RMI1: variants seen among roughly 807,000 people sequenced by gnomAD.
The protein encoded by RMI1 is RecQ mediated genome instability 1, also known as recQ-mediated genome instability protein 1.
In RMI1, 36 loss-of-function variants were observed where a neutral mutation model predicts 46.7. The ratio of observed to expected loss-of-function variants is 0.77; its 90% CI spans 0.59 to 1.02. The LOEUF is 1.02. Among genes scored for constraint, RMI1 ranks in the 50% least tolerant of loss-of-function variants. The pLI, the probability that RMI1 is intolerant of heterozygous loss-of-function variation, is 0.00. For synonymous variants in RMI1, 250 were observed against 252.9 expected, an observed-to-expected ratio of 0.99 and a Z score of 0.11; for missense variants, 676 against 713.7, an observed-to-expected ratio of 0.95 and a Z score of 0.60.
In RMI1 at chr9:84,002,118, G is replaced by A. The variant is rs200270355; in HGVS notation, c.1132G>A (p.Val378Ile). 5.6e-6 allele frequency: 9 copies of A among 1,613,782 alleles called. No homozygotes were observed. The highest frequency in any genetic ancestry group is 5.1e-6 in the Non-Finnish European group (6 of 1,179,866). ...AAACAATAATTGGAGTGAAAAAAAT[G>A]TATCTGAACAAATGACTAATGAAGA... ...NGNNNWSEKN[V>I]SEQMTNEDKS... The change falls in exon 3 of 3, where the codon GTA becomes ATA. Residue 378 changes from valine to isoleucine, a missense_variant. Coordinates refer to ENST00000445877, the MANE Select transcript of RMI1 (RefSeq NM_001358291.2).
chr9:83,996,264 A>G (rs143262611), intron 1 of RMI1, among the ~76,000 whole-genome samples: 191 of 152,344 alleles, frequency 1.3e-3, no homozygotes, highest in Middle Eastern at 3.4e-3. Flanking sequence ...TGTGTTATGC[A>G]GGCCCAGTGT....
intron 1 of RMI1, among the ~76,000 whole-genome samples, chr9:83,990,830 G>A (rs572482927): frequency 2.5e-4 from 38 of 150,816 alleles, no homozygotes; most frequent in Middle Eastern, 6.8e-3. Context: ...TTTTTGAGAC[G>A]GAGTTTTGCT....
chr9:83,992,182 C>T (rs573829705), intron 1 of RMI1, among the ~76,000 whole-genome samples: 1 of 152,238 alleles, frequency 6.6e-6, no homozygotes, highest in East Asian at 1.9e-4. Context: ...TAGTTTTCAG[C>T]ATAGTGTTTG....
rs534157337 is a variant in RMI1, at chr9:84,003,668, T to G, written c.*804T>G. ...ATTTACTGGTTTTTATTTTGCTGAT[T>G]ATAATATTTGGTATATTTAAGGTAA... is the stretch of plus-strand genomic sequence containing the variant. On this transcript the variant is annotated 3_prime_UTR_variant, in exon 3 of 3. Transcript: ENST00000445877. 2.4e-5 allele frequency: 4 copies of G among 166,520 alleles called. No homozygotes were observed. In the East Asian group the frequency reaches 5.8e-4, roughly 24 times the overall value. The allele number at this position is 166,520 out of a possible 1,614,324, so 10.3% of individuals were successfully genotyped here. A position where few individuals can be genotyped will look rare whatever the true frequency, so the allele number is the denominator to read the frequency against.
At chr9:83,992,672 A>G (rs1312874805) in intron 1 of RMI1, among the ~76,000 whole-genome samples, 1 of 152,196 alleles carries the variant, frequency 6.6e-6, no homozygotes, top group Admixed American at 6.5e-5. Context: ...TGGGATTACA[A>G]ATAAATTTTA....
chr9:83,982,933 C>T (rs931875046), intron 1 of RMI1, among the ~76,000 whole-genome samples: 3 of 152,120 alleles, frequency 2.0e-5, no homozygotes, highest in African/African-American at 7.2e-5. Flanking sequence ...TGTGTTCATT[C>T]AAGAACTTAA....
At position 84,002,824 on chromosome 9, in the gene RMI1, T is replaced by C. The variant is rs994814216; in HGVS notation, c.1838T>C (p.Met613Thr). Residue 613 changes from methionine (M) to threonine (T), a missense_variant, in exon 3 of 3, where the codon ATG (methionine) becomes ACG (threonine). Met to Thr is a moderately conservative substitution (Grantham distance 81). Transcript: ENST00000445877. ...AMVLALQDVN[M>T]EHLENLKKRL... ...GTACTGGCATTACAAGATGTTAATATGGAACACCTTGAGAATCTAAAGAAG... is the reference window on the plus strand; with the variant it reads ...GTACTGGCATTACAAGATGTTAATACGGAACACCTTGAGAATCTAAAGAAG... The C allele has an allele frequency of 9.5e-6, 15 of 1,583,666 alleles. No homozygotes were observed. Among genetic ancestry groups the C allele is most frequent in the Non-Finnish European group, 1.2e-5 (14 of 1,158,074 alleles).
intron 1 of RMI1, 98 bp from the exon 2 acceptor site, chr9:83,999,611 C>T (rs567589288): frequency 6.6e-6 from 1 of 152,306 alleles, no homozygotes; most frequent in South Asian, 2.1e-4. Flanking sequence ...TTCTGATCCC[C>T]ATGAACCATA....
At chr9:83,980,801 A>T (rs183736333), upstream of RMI1, 6 of 152,424 alleles carry the variant, frequency 3.9e-5, no homozygotes, top group Admixed American at 3.3e-4. Context: ...AGAGGTAAAA[A>T]AGGAACTGGG....
chr9:84,001,152 T>G lies in RMI1; in HGVS notation c.166T>G (p.Trp56Gly). 6.2e-7 allele frequency: 1 copy of G among 1,614,120 alleles called. No individual in the cohort carries two copies. The highest frequency in any genetic ancestry group is 1.1e-5 in the South Asian group (1 of 91,086). ...AQMNKQVFEQ[W>G]LLTDLRDLEH... is the part of the protein sequence containing the mutation. ...AATGAATAAACAAGTGTTTGAGCAG[T>G]GGCTCCTTACTGATCTGAGGGATTT... The change falls in exon 3 of 3, where the codon TGG (tryptophan) becomes GGG (glycine). Residue 56 changes from tryptophan (W) to glycine (G), a missense_variant. Transcript: ENST00000445877.
Position 84,001,705 on chromosome 9 carries a change from T to G in RMI1, c.719T>G (p.Leu240Ter), listed in dbSNP as rs564835416. 6.2e-7 allele frequency: 1 copy of G among 1,613,962 alleles called. No homozygotes were observed. Among genetic ancestry groups the G allele is most frequent in the East Asian group, 2.2e-5 (1 of 44,872 alleles). The part of the protein sequence containing the change: ...PRVTDVLDPA[L>*]GPSDEELLAS... The stretch of plus-strand genomic sequence containing the variant: ...GTTACAGATGTTCTAGATCCTGCAT[T>G]AGGTCCTTCTGATGAAGAACTCTTG... The change falls in exon 3 of 3, where the codon TTA becomes TGA. Residue 240 changes from leucine (L) to a stop codon, truncating the protein, a stop_gained. Coordinates refer to ENST00000445877, the MANE Select transcript of RMI1 (RefSeq NM_001358291.2). LOFTEE classifies it high-confidence loss of function.
At chr9:83,999,001 TGTG>T (rs1348669054) in intron 1 of RMI1, among the ~76,000 whole-genome samples, 2 of 151,822 alleles carry the variant, frequency 1.3e-5, no homozygotes, top group African/African-American at 4.8e-5. Context: ...AGTAGCCAGG[TGTG>T]GTGGCACACA....
Position 84,001,185 on chromosome 9 carries a change from C to T in RMI1, c.199C>T (p.Pro67Ser), listed in dbSNP as rs1345705234. Residue 67 changes from proline to serine, a missense_variant, in exon 3 of 3, where the codon CCT (proline) becomes TCT (serine). Physicochemically the swap from Pro to Ser is moderately conservative, Grantham distance 74 (BLOSUM62 -1). Transcript: ENST00000445877. ...LLTDLRDLEH[P>S]LLPDGILEIP... The stretch of plus-strand genomic sequence containing the variant: ...TACTGATCTGAGGGATTTGGAGCAT[C>T]CTCTTTTACCCGATGGCATTTTAGA... 6.2e-7 allele frequency: 1 copy of T among 1,614,096 alleles called. No individual in the cohort carries two copies. The highest frequency in any genetic ancestry group is 1.1e-5 in the South Asian group (1 of 91,088).
intron 1 of RMI1, among the ~76,000 whole-genome samples, chr9:83,986,814 C>T (rs1344136197): frequency 6.6e-6 from 1 of 152,192 alleles, no homozygotes; most frequent in Non-Finnish European, 1.5e-5. Context: ...CTTTTCAGTT[C>T]ATAACCAATC....
Position 84,001,575 on chromosome 9 carries a change from C to T in RMI1, c.589C>T (p.Leu197Phe). The T allele has an allele frequency of 6.2e-7, 1 of 1,613,930 alleles. No homozygotes were observed. The highest frequency in any genetic ancestry group is 1.1e-5 in the South Asian group (1 of 91,072). The part of the protein sequence containing the change: ...VKVLGGEVDA[L>F]LEEYAQEKVL... ...AGTGTTAGGAGGTGAAGTAGATGCT[C>T]TTTTAGAAGAATATGCCCAAGAAAA... Residue 197 changes from leucine (L) to phenylalanine (F), a missense_variant, in exon 3 of 3, where the codon CTT (leucine) becomes TTT (phenylalanine). By Grantham distance (22) the Leu-to-Phe change is conservative (BLOSUM62 0). Coordinates refer to ENST00000445877, the MANE Select transcript of RMI1 (RefSeq NM_001358291.2).
intron 1 of RMI1, among the ~76,000 whole-genome samples, chr9:83,991,092 C>T (rs1405579970): frequency 6.6e-6 from 1 of 152,186 alleles, no homozygotes; most frequent in Non-Finnish European, 1.5e-5. Context: ...TAGGCCTGAG[C>T]TACTGCGCCT....
At chr9:83,990,564 G>A (rs1306784902) in intron 1 of RMI1, among the ~76,000 whole-genome samples, 1 of 150,802 alleles carries the variant, frequency 6.6e-6, no homozygotes, top group Non-Finnish European at 1.5e-5. Context: ...GCACTGCATT[G>A]TGGCTATAGT....
At chr9:83,990,647 G>A (rs1256036383) in intron 1 of RMI1, among the ~76,000 whole-genome samples, 1 of 152,128 alleles carries the variant, frequency 6.6e-6, no homozygotes. Flanking sequence ...TGATAAATGT[G>A]TGAAGTGATA....
chr9:83,992,079 A>G (rs1957583296), intron 1 of RMI1, among the ~76,000 whole-genome samples: 1 of 152,244 alleles, frequency 6.6e-6, no homozygotes, highest in Admixed American at 6.5e-5. Context: ...GGGAGAACTA[A>G]AACCTTAACC....
Sources: allele counts gnomAD v4.1 joint callset (sites outside exome capture counted in the v4.1 genomes callset), GRCh38; gene constraint gnomAD v4.1.1; transcripts MANE v1.5; gene names NCBI Gene and HGNC (gene_info 2026-07-23, HGNC 2026-07-21).